STPG2: variants seen among roughly 807,000 people sequenced by gnomAD.
STPG2 encodes the protein sperm-tail PG-rich repeat-containing protein 2.
STPG2 carries 56 observed loss-of-function variants against 54.2 expected under a neutral mutation model. The ratio of observed to expected loss-of-function variants is 1.03; its 90% CI spans 0.83 to 1.29. STPG2 has a LOEUF of 1.29. STPG2 is among the 50% of genes most tolerant of loss of function. The pLI, the probability that STPG2 is intolerant of heterozygous loss-of-function variation, is 0.00. For synonymous variants in STPG2, 200 were observed against 181.8 expected (o/e 1.10, Z -0.81); for missense variants, 596 against 544.9 (o/e 1.09, Z -0.93).
At chr4:97,559,863 A>T (rs1295161672) in intron 10 of STPG2, among the ~76,000 whole-genome samples, 1 of 152,222 alleles carries the variant, frequency 6.6e-6, no homozygotes, top group Non-Finnish European at 1.5e-5. Context: ...TCAATAACAA[A>T]TATTTAATAA....
At chr4:98,065,608 G>A (rs147289831) in intron 5 of STPG2, among the ~76,000 whole-genome samples, 21 of 152,190 alleles carry the variant, frequency 1.4e-4, no homozygotes, top group Middle Eastern at 3.4e-3. Context: ...TTGAATTAGC[G>A]AGGAGCCAGA....
intron 8 of STPG2, among the ~76,000 whole-genome samples, chr4:97,940,645 T>C (rs1407755330): frequency 6.6e-6 from 1 of 152,202 alleles, no homozygotes; most frequent in Non-Finnish European, 1.5e-5. Flanking sequence ...TATTCAGCTC[T>C]GTTAGACCTG....
intron 7 of STPG2, among the ~76,000 whole-genome samples, chr4:97,970,899 G>T (rs1734301791): frequency 6.6e-6 from 1 of 152,138 alleles, no homozygotes; most frequent in Admixed American, 6.6e-5. Flanking sequence ...GAAAATTTTT[G>T]CAATCTACCC....
chr4:97,656,222 C>G (rs1722214937), intron 10 of STPG2, among the ~76,000 whole-genome samples: 1 of 152,082 alleles, frequency 6.6e-6, no homozygotes, highest in African/African-American at 2.4e-5. Context: ...TTGCCACATC[C>G]TGACTCATGA....
At chr4:97,633,026 A>C (rs1387277224) in intron 10 of STPG2, among the ~76,000 whole-genome samples, 3 of 152,106 alleles carry the variant, frequency 2.0e-5, no homozygotes, top group African/African-American at 7.2e-5. Flanking sequence ...AGAGATAGAT[A>C]TTTCTCCCAA....
chr4:97,770,085 C>T (rs1726174268), intron 9 of STPG2, among the ~76,000 whole-genome samples: 1 of 152,014 alleles, frequency 6.6e-6, no homozygotes, highest in Non-Finnish European at 1.5e-5. Flanking sequence ...GTTGTAGGTG[C>T]CTGTAATCCC....
At chr4:97,671,182 T>G (rs2148969220) in intron 10 of STPG2, among the ~76,000 whole-genome samples, 1 of 152,284 alleles carries the variant, frequency 6.6e-6, no homozygotes, top group South Asian at 2.1e-4. Flanking sequence ...ATTGAGATTT[T>G]AAAAAAGGAT....
chr4:97,981,966 G>T (rs1734695574), intron 5 of STPG2, among the ~76,000 whole-genome samples: 1 of 150,572 alleles, frequency 6.6e-6, no homozygotes, highest in Admixed American at 6.6e-5. Flanking sequence ...CTCACTGCAA[G>T]CTCCACCTCC....
intron 4 of STPG2, among the ~76,000 whole-genome samples, chr4:97,526,429 A>C (rs1181467713): frequency 1.3e-5 from 2 of 152,092 alleles, no homozygotes; most frequent in African/African-American, 4.8e-5. Context: ...GGACTACTAT[A>C]AAGTAGAAAA....
chr4:97,957,072 T>C (rs1733698637), intron 7 of STPG2, among the ~76,000 whole-genome samples: 1 of 140,670 alleles, frequency 7.1e-6, no homozygotes, highest in Non-Finnish European at 1.6e-5. Context: ...AGGAAATAAA[T>C]ATATATATAT....
chr4:97,614,142 T>C (rs1431313674), intron 10 of STPG2, among the ~76,000 whole-genome samples: 3 of 152,082 alleles, frequency 2.0e-5, no homozygotes, highest in South Asian at 4.1e-4. Context: ...AATTCATTTA[T>C]TAATATGAGT....
intron 7 of STPG2, among the ~76,000 whole-genome samples, chr4:97,949,882 T>C (rs201195395): frequency 7.0e-6 from 1 of 142,394 alleles, no homozygotes; most frequent in African/African-American, 2.8e-5. Flanking sequence ...TTTTTGTTTT[T>C]TGTTTTGTTT....
chr4:97,991,193 G>A (rs1050342946), intron 5 of STPG2, among the ~76,000 whole-genome samples: 1 of 151,662 alleles, frequency 6.6e-6, no homozygotes, highest in East Asian at 1.9e-4. Flanking sequence ...TTAGATTAAT[G>A]GTCTCCAATT....
rs1285779342 is a variant in STPG2, at chr4:97,906,643, C to T, written c.1044+37254G>A. ...TAAAATATTGGCAAACCGAATCCAG[C>T]AGCACATCAAAAAGCTTATCCACCA... On this transcript the variant is annotated intron_variant, in intron 8 of 10. Transcript: ENST00000295268. Among the ~76,000 whole-genome samples the T allele has an allele frequency of 4.6e-5, 7 of 151,996 alleles. No individual in the cohort carries two copies. In the South Asian group the frequency reaches 1.5e-3, roughly 32 times the overall value.
intron 9 of STPG2, among the ~76,000 whole-genome samples, chr4:97,822,045 T>C (rs997105966): frequency 7.2e-5 from 11 of 152,240 alleles, no homozygotes; most frequent in African/African-American, 2.7e-4. Context: ...CTTTCTCTGC[T>C]ACATGGCCAG....
intron 8 of STPG2, among the ~76,000 whole-genome samples, chr4:97,874,433 G>A (rs1460030148): frequency 2.0e-5 from 3 of 151,546 alleles, no homozygotes; most frequent in African/African-American, 2.4e-5. Flanking sequence ...TATGTCACAT[G>A]CATGAAACAA....
chr4:98,116,693 G>A (rs1739534071), intron 3 of STPG2, among the ~76,000 whole-genome samples: 1 of 151,746 alleles, frequency 6.6e-6, no homozygotes, highest in South Asian at 2.1e-4. Context: ...TAGGATGATG[G>A]GACAGTCAAG....
At chr4:97,869,665 A>G (rs555095537) in intron 8 of STPG2, among the ~76,000 whole-genome samples, 1 of 151,814 alleles carries the variant, frequency 6.6e-6, no homozygotes, top group East Asian at 1.9e-4. Flanking sequence ...ATAGTCAACC[A>G]GACCCTGCCA....
At chr4:98,109,124 A>G in intron 4 of STPG2, 69 bp downstream of exon 4, 1 of 921,858 alleles carries the variant, frequency 1.1e-6, no homozygotes, top group Non-Finnish European at 1.6e-6. Flanking sequence ...AGCATAGCCT[A>G]GTCTGAATTA....
Sources: gnomAD v4.1 joint callset for allele counts (sites outside exome capture counted in the v4.1 genomes callset) on GRCh38, gnomAD v4.1.1 for gene constraint, MANE v1.5 for transcripts, NCBI Gene and HGNC (gene_info 2026-07-23, HGNC 2026-07-21) for gene names.